PCDH15: variants seen among roughly 807,000 people sequenced by gnomAD.
The protein encoded by PCDH15 is protocadherin-15.
In PCDH15, 129 loss-of-function variants were observed where a neutral mutation model predicts 178.5. That is an observed-to-expected ratio of 0.72 (90% CI 0.63 to 0.84). The LOEUF is 0.84. PCDH15 is among the 40% of genes least tolerant of loss of function. PCDH15 has a pLI of 0.00. For missense variants in PCDH15, 2,230 were observed against 2,099.9 expected, an observed-to-expected ratio of 1.06 and a Z score of -1.21; for synonymous variants, 800 against 732.0, an observed-to-expected ratio of 1.09 and a Z score of -1.50.
chr10:55,389,323 A>C (rs1171586914), intron 2 of PCDH15, among the ~76,000 whole-genome samples: 1 of 152,006 alleles, frequency 6.6e-6, no homozygotes, highest in Non-Finnish European at 1.5e-5. Context: ...AAGCCAGTGA[A>C]CACTACAGTG....
chr10:54,770,959 A>G (rs9919508), intron 1 of PCDH15, among the ~76,000 whole-genome samples: 125 of 152,120 alleles, frequency 8.2e-4, no homozygotes, highest in African/African-American at 2.9e-3. Flanking sequence ...GCTTTTGCAA[A>G]AGTATTAGAT....
chr10:54,693,044 C>T (rs989746575), intron 1 of PCDH15, among the ~76,000 whole-genome samples: 5 of 151,946 alleles, frequency 3.3e-5, no homozygotes, highest in African/African-American at 7.3e-5. Context: ...TACCCTACCC[C>T]GCAACAGGCC....
intron 9 of PCDH15, among the ~76,000 whole-genome samples, chr10:54,236,437 C>T (rs773977551): frequency 3.3e-4 from 50 of 151,628 alleles, no homozygotes; most frequent in Non-Finnish European, 4.6e-4. Flanking sequence ...TATATTATCA[C>T]AATTATGTAT....
intron 1 of PCDH15, among the ~76,000 whole-genome samples, chr10:54,729,494 C>T (rs893598368): frequency 2.0e-5 from 3 of 151,482 alleles, no homozygotes; most frequent in African/African-American, 7.3e-5. Flanking sequence ...TTGTCCCTGG[C>T]AAGGATTTTA....
chr10:55,576,789 T>C lies in PCDH15; in HGVS notation c.-156+50836A>G, dbSNP rs146722974. ...TTGGACAAAATAGTGAAAGCAATAA[T>C]ATTTACCTGTTTAACTAAAATTCTA... On this transcript the variant is annotated intron_variant, in intron 2 of 5. Coordinates refer to the PCDH15 transcript ENST00000613346. Among the ~76,000 whole-genome samples the C allele has an allele frequency of 5.7e-4, 86 of 151,952 alleles. 3 individuals are homozygous for C. In the East Asian group the frequency reaches 0.016, roughly 27 times the overall value.
intron 1 of PCDH15, among the ~76,000 whole-genome samples, chr10:55,298,057 C>T (rs1843178336): frequency 1.3e-5 from 2 of 152,094 alleles, no homozygotes; most frequent in African/African-American, 4.8e-5. Context: ...AGTCAACAAG[C>T]CCTGCTCAGC....
rs141836292 is a variant in PCDH15 at position 53,986,534 on chromosome 10, A to C, written c.2868+9115T>G. Among the ~76,000 whole-genome samples the C allele has an allele frequency of 3.5e-3, 529 of 152,354 alleles. 4 individuals carry two copies. The highest frequency in any genetic ancestry group is 0.012 in the African/African-American group (496 of 41,580). On this transcript the variant is annotated intron_variant, in intron 21 of 37. Coordinates refer to ENST00000644397, the MANE Select transcript of PCDH15 (RefSeq NM_001384140.1). Reference sequence around the variant, plus strand: ...GATATCTATCTGTACTCCCATGTGTACTGAAGCATTATTCAGAGTATCCAA... The same window carrying C: ...GATATCTATCTGTACTCCCATGTGTCCTGAAGCATTATTCAGAGTATCCAA...
intron 2 of PCDH15, among the ~76,000 whole-genome samples, chr10:54,627,742 C>A (rs2093596433): frequency 6.6e-6 from 1 of 152,128 alleles, no homozygotes; most frequent in African/African-American, 2.4e-5. Context: ...GGATTGTTAA[C>A]CTGGGACACA....
At chr10:54,932,136 A>G (rs539774688) in intron 2 of PCDH15, among the ~76,000 whole-genome samples, 3 of 152,288 alleles carry the variant, frequency 2.0e-5, no homozygotes, top group South Asian at 4.1e-4. Context: ...TTCTACTTAT[A>G]AAAAAAGTTA....
intron 2 of PCDH15, among the ~76,000 whole-genome samples, chr10:55,328,947 T>TATATATATATATAG (rs1406319803): frequency 7.9e-6 from 1 of 126,552 alleles, no homozygotes; most frequent in East Asian, 2.2e-4. Flanking sequence ...TATATATATA[T>TATATATATATATAG]ATAAAATATA....
intron 20 of PCDH15, among the ~76,000 whole-genome samples, chr10:54,013,982 G>A (rs1203918186): frequency 2.6e-5 from 4 of 151,620 alleles, no homozygotes; most frequent in African/African-American, 9.7e-5. Flanking sequence ...TTAGTTATTT[G>A]AAAGAATTAA....
chr10:54,054,107 T>G (rs2093833603), intron 18 of PCDH15, among the ~76,000 whole-genome samples: 1 of 152,124 alleles, frequency 6.6e-6, no homozygotes, highest in Admixed American at 6.6e-5. Flanking sequence ...AAATAAGACT[T>G]CAATCTTAAA....
At chr10:54,804,927 T>TTTTATATATATATATATATATA (rs536235796), upstream of PCDH15, among the ~76,000 whole-genome samples, 49 of 50,836 alleles carry the variant, frequency 9.6e-4, 1 homozygote, top group African/African-American at 3.0e-3. Context: ...TCATAGTAGA[T>TTTTATATATATATATATATATA]TATATATATA....
At chr10:54,070,739 G>A (rs142326972) in intron 17 of PCDH15, among the ~76,000 whole-genome samples, 2,601 of 152,052 alleles carry the variant, frequency 0.017, 69 homozygotes, top group African/African-American at 0.057. Flanking sequence ...ACAGGTGCAC[G>A]CCACTATGCC....
chr10:54,154,502 T>G (rs1175974629), intron 13 of PCDH15, among the ~76,000 whole-genome samples: 2 of 152,182 alleles, frequency 1.3e-5, no homozygotes, highest in Non-Finnish European at 2.9e-5. Flanking sequence ...ATACCTTCCT[T>G]GATCAAATGT....
At chr10:54,539,869 C>T (rs1189145049) in intron 2 of PCDH15, among the ~76,000 whole-genome samples, 2 of 152,100 alleles carry the variant, frequency 1.3e-5, no homozygotes, top group Non-Finnish European at 2.9e-5. Flanking sequence ...CAAAAACACA[C>T]AAATATATAG....
chr10:54,163,499 A>G (rs2045919372), intron 13 of PCDH15, among the ~76,000 whole-genome samples: 1 of 152,078 alleles, frequency 6.6e-6, no homozygotes, highest in Admixed American at 6.6e-5. Flanking sequence ...ATAGCATGGG[A>G]GAAATTTGCC....
rs59385596 is a variant in PCDH15, at chr10:54,945,364, TATAGATAGATAG to T, written c.-79-47876_-79-47865del. ...TAGATAGATAGATGATAGATAGATA[TATAGATAGATAG>T]ATAGATAGATAGATAGATATAAAAA... On this transcript the variant is annotated intron_variant, in intron 2 of 5. Transcript: ENST00000458638. Among the ~76,000 whole-genome samples the T allele has an allele frequency of 4.1e-5, 6 of 146,052 alleles. 1 individual carries two copies. The highest frequency in any genetic ancestry group is 4.3e-4 in the South Asian group (2 of 4,630).
chr10:54,812,697 T>A (rs1490662114), intron 3 of PCDH15, among the ~76,000 whole-genome samples: 1 of 152,050 alleles, frequency 6.6e-6, no homozygotes, highest in Non-Finnish European at 1.5e-5. Flanking sequence ...GACCTCATGA[T>A]CCGCCTGCCT....
Sources: allele counts gnomAD v4.1 joint callset (sites outside exome capture counted in the v4.1 genomes callset), GRCh38; gene constraint gnomAD v4.1.1; transcripts MANE v1.5; gene names NCBI Gene and HGNC (gene_info 2026-07-23, HGNC 2026-07-21).